PRKN: variants seen among roughly 807,000 people sequenced by gnomAD.
PRKN encodes the protein E3 ubiquitin-protein ligase parkin.
PRKN carries 56 observed loss-of-function variants against 59.5 expected under a neutral mutation model. The observed-to-expected ratio is 0.94, with a 90% CI of 0.76 to 1.18. The LOEUF is 1.18. PRKN is among the 50% of genes most tolerant of loss of function. PRKN has a pLI of 0.00. For synonymous variants in PRKN, 250 were observed against 222.1 expected (o/e 1.13, Z -1.12); for missense variants, 657 against 596.4 (o/e 1.10, Z -1.06).
At chr6:161,408,845 A>G (rs117921853) in intron 9 of PRKN, among the ~76,000 whole-genome samples, 2 of 152,330 alleles carry the variant, frequency 1.3e-5, no homozygotes, top group East Asian at 3.9e-4. Context: ...AATCTTATCT[A>G]AAATGAGGTG....
At chr6:162,244,751 C>T (rs1342805088) in intron 3 of PRKN, among the ~76,000 whole-genome samples, 1 of 152,074 alleles carries the variant, frequency 6.6e-6, no homozygotes, top group Non-Finnish European at 1.5e-5. Flanking sequence ...ATCATGATGA[C>T]TCTAATGAAT....
chr6:162,619,927 TTC>T (rs924803585), intron 1 of PRKN, among the ~76,000 whole-genome samples: 1 of 152,206 alleles, frequency 6.6e-6, no homozygotes, highest in Non-Finnish European at 1.5e-5. Context: ...TGAGGGTATC[TTC>T]TCTCTCACAA....
intron 7 of PRKN, among the ~76,000 whole-genome samples, chr6:161,725,572 C>G (rs946601123): frequency 6.6e-6 from 1 of 152,152 alleles, no homozygotes. Context: ...CAAAGCATCC[C>G]TTCTAGTCAC....
intron 2 of PRKN, among the ~76,000 whole-genome samples, chr6:162,358,146 G>T (rs1784955060): frequency 6.6e-6 from 1 of 152,202 alleles, no homozygotes; most frequent in Non-Finnish European, 1.5e-5. Flanking sequence ...AATAACAGAG[G>T]AAAGTGTATG....
intron 6 of PRKN, among the ~76,000 whole-genome samples, chr6:161,826,798 C>T (rs953659448): frequency 2.6e-4 from 39 of 152,180 alleles, no homozygotes; most frequent in South Asian, 8.3e-4. Context: ...GGAACGGACA[C>T]GCTGAGTGAG....
At chr6:162,320,838 A>G (rs1396351737) in intron 2 of PRKN, among the ~76,000 whole-genome samples, 1 of 151,892 alleles carries the variant, frequency 6.6e-6, no homozygotes, top group Non-Finnish European at 1.5e-5. Context: ...ATAAAATTCA[A>G]AAGTGAATGA....
intron 9 of PRKN, among the ~76,000 whole-genome samples, chr6:161,506,572 T>G (rs898591744): frequency 1.1e-4 from 16 of 152,194 alleles, no homozygotes. Context: ...CAACAAATGC[T>G]GATTGAATGA....
chr6:162,577,953 A>T (rs949473866), intron 1 of PRKN, among the ~76,000 whole-genome samples: 13 of 152,312 alleles, frequency 8.5e-5, no homozygotes, highest in Middle Eastern at 3.4e-3. Flanking sequence ...AATTTAAAAA[A>T]TTTTGAAAAC....
At chr6:162,349,225 T>C (rs1225470708) in intron 2 of PRKN, among the ~76,000 whole-genome samples, 5 of 152,078 alleles carry the variant, frequency 3.3e-5, no homozygotes, top group African/African-American at 1.2e-4. Context: ...CCTAGCACTT[T>C]GTGAGGCTGA....
intron 1 of PRKN, among the ~76,000 whole-genome samples, chr6:162,455,751 T>C (rs1481600812): frequency 2.0e-5 from 3 of 152,238 alleles, no homozygotes; most frequent in Non-Finnish European, 4.4e-5. Flanking sequence ...AGCTCCAAGG[T>C]TTTGATTTAA....
chr6:162,610,954 G>C (rs1323217394), intron 1 of PRKN, among the ~76,000 whole-genome samples: 1 of 152,106 alleles, frequency 6.6e-6, no homozygotes, highest in Non-Finnish European at 1.5e-5. Flanking sequence ...TAAGTATAAT[G>C]AGTAGAAATA....
chr6:161,555,108 C>T (rs1046760282), intron 8 of PRKN, among the ~76,000 whole-genome samples: 4 of 152,134 alleles, frequency 2.6e-5, no homozygotes, highest in African/African-American at 9.7e-5. Flanking sequence ...TACCTCACTT[C>T]TAATTCCAAC....
chr6:162,096,920 G>A (rs1280346191), intron 4 of PRKN, among the ~76,000 whole-genome samples: 1 of 137,552 alleles, frequency 7.3e-6, no homozygotes, highest in Non-Finnish European at 1.5e-5. Context: ...AGGCTGGAGT[G>A]CACTGGCAGG....
chr6:162,640,596 A>T (rs1777921201), intron 1 of PRKN, among the ~76,000 whole-genome samples: 1 of 152,200 alleles, frequency 6.6e-6, no homozygotes, highest in South Asian at 2.1e-4. Flanking sequence ...ACCACAATTA[A>T]ATTAGTCTCA....
At chr6:161,890,092 G>A (rs971880254) in intron 6 of PRKN, among the ~76,000 whole-genome samples, 10 of 152,102 alleles carry the variant, frequency 6.6e-5, no homozygotes, top group Admixed American at 2.6e-4. Context: ...CTATTATTCT[G>A]CCGTCTCCCT....
chr6:161,856,466 A>G (rs1793658317), intron 6 of PRKN, among the ~76,000 whole-genome samples: 1 of 152,106 alleles, frequency 6.6e-6, no homozygotes, highest in African/African-American at 2.4e-5. Flanking sequence ...CTGTAATTTG[A>G]CTCAATGGGT....
intron 2 of PRKN, among the ~76,000 whole-genome samples, chr6:162,368,652 GA>G (rs1785582676): frequency 1.3e-5 from 2 of 152,232 alleles, no homozygotes; most frequent in Non-Finnish European, 2.9e-5. Flanking sequence ...ACTTCTCACT[GA>G]ATGTATAGAA....
intron 8 of PRKN, among the ~76,000 whole-genome samples, chr6:161,559,049 TA>T (rs3032921): frequency 0.05 from 5,913 of 117,212 alleles, 444 homozygotes; most frequent in African/African-American, 0.17. Flanking sequence ...AAACAAGACC[TA>T]AAAAAAAAAA....
intron 7 of PRKN, among the ~76,000 whole-genome samples, chr6:161,598,152 G>C (rs1339487036): frequency 6.6e-6 from 1 of 152,176 alleles, no homozygotes; most frequent in East Asian, 1.9e-4. Context: ...CTTCCTAATT[G>C]AATGAATAGA....
Sources: gnomAD v4.1 joint callset for allele counts (sites outside exome capture counted in the v4.1 genomes callset) on GRCh38, gnomAD v4.1.1 for gene constraint, MANE v1.5 for transcripts, NCBI Gene and HGNC (gene_info 2026-07-23, HGNC 2026-07-21) for gene names.